The following HLCS variants were observed in gnomAD, a reference collection of about 807,000 sequenced individuals.
The protein encoded by HLCS is biotin--protein ligase.
Under a neutral mutation model 75.0 loss-of-function variants are expected in HLCS, and 53 were observed. That is an observed-to-expected ratio of 0.71 (90% CI 0.57 to 0.89). The LOEUF (loss-of-function observed/expected upper bound fraction) is 0.89. Ranked by LOEUF, HLCS falls within the 40% of genes least tolerant of loss-of-function variation. The pLI, the probability that HLCS is intolerant of heterozygous loss-of-function variation, is 0.00. For missense variants in HLCS, 966 were observed against 1,074.0 expected (o/e 0.90, Z 1.41); for synonymous variants, 431 against 428.6 (o/e 1.01, Z -0.07).
rs536443978 is a variant in HLCS, at chr21:36,767,974, A to G, written c.1893-689T>C. ...CATTACATCCCCACCAAATGAGTCG[A>G]TATTAACTTTTTTTCAAAAAAAGGA... On this transcript the variant is annotated intron_variant, in intron 6 of 10. Coordinates refer to ENST00000674895, the MANE Select transcript of HLCS (RefSeq NM_001352514.2). Among the ~76,000 whole-genome samples, 14 of 152,244 alleles carry G rather than the reference A, an allele frequency of 9.2e-5. No homozygotes were observed. In the East Asian group the frequency reaches 2.7e-3, roughly 29 times the overall value.
chr21:36,763,942 A>G (rs1422470777), intron 8 of HLCS, among the ~76,000 whole-genome samples: 2 of 152,250 alleles, frequency 1.3e-5, no homozygotes, highest in Non-Finnish European at 1.5e-5. Flanking sequence ...TATGTGGTCA[A>G]CAGTGGATAA....
chr21:36,831,482 C>T lies in HLCS; in HGVS notation c.1893-64197G>A, dbSNP rs531334231. Among the ~76,000 whole-genome samples, 8 of 152,240 alleles carry T rather than the reference C, an allele frequency of 5.3e-5. No individual in the cohort carries two copies. In the East Asian group the frequency reaches 1.5e-3, roughly 29 times the overall value. ...ATCACTACAGGTCAGGAGTTCGAGACCAGCCTGGCCAACATGGTGAAACCC... is the reference window on the plus strand; with the variant it reads ...ATCACTACAGGTCAGGAGTTCGAGATCAGCCTGGCCAACATGGTGAAACCC... On this transcript the variant is annotated intron_variant, in intron 6 of 10. Coordinates refer to ENST00000674895, the MANE Select transcript of HLCS (RefSeq NM_001352514.2).
intron 1 of HLCS, among the ~76,000 whole-genome samples, chr21:36,983,766 G>A (rs2069174234): frequency 1.3e-5 from 2 of 151,790 alleles, no homozygotes; most frequent in Non-Finnish European, 2.9e-5. Flanking sequence ...GAACCCGGGA[G>A]GCAGAGCTTG....
rs1265181439 is a variant in HLCS, at chr21:36,860,798, G to A, written c.1892+36062C>T. Among the ~76,000 whole-genome samples the A allele has an allele frequency of 2.6e-5, 4 of 152,234 alleles. No individual in the cohort carries two copies. In the South Asian group the frequency reaches 8.3e-4, roughly 32 times the overall value. ...AGTTTAGGGTAATAAATGTTTCCCAGTGTTAAAATAAACGCCTCAGCGGTT... is the reference window on the plus strand; with the variant it reads ...AGTTTAGGGTAATAAATGTTTCCCAATGTTAAAATAAACGCCTCAGCGGTT... On this transcript the variant is annotated intron_variant, in intron 6 of 10. Coordinates refer to ENST00000674895, the MANE Select transcript of HLCS (RefSeq NM_001352514.2).
At chr21:36,773,379 G>A (rs1173341344) in intron 6 of HLCS, among the ~76,000 whole-genome samples, 1 of 152,264 alleles carries the variant, frequency 6.6e-6, no homozygotes, top group Non-Finnish European at 1.5e-5. Context: ...ACTGGGAGCA[G>A]CTGGCCTCTG....
chr21:36,926,746 T>TC (rs2066425509), intron 5 of HLCS, among the ~76,000 whole-genome samples: 1 of 149,126 alleles, frequency 6.7e-6, no homozygotes, highest in African/African-American at 2.4e-5. Context: ...GTTTCCTTTT[T>TC]TTTTTTTTTT....
At chr21:36,800,338 CAA>C (rs552945160) in intron 6 of HLCS, among the ~76,000 whole-genome samples, 227 of 152,030 alleles carry the variant, frequency 1.5e-3, no homozygotes, top group Non-Finnish European at 2.5e-3. Context: ...ACTTGGTGAA[CAA>C]AGAGACACAA....
intron 6 of HLCS, among the ~76,000 whole-genome samples, chr21:36,827,119 G>A (rs904911624): frequency 6.6e-6 from 1 of 152,120 alleles, no homozygotes; most frequent in African/African-American, 2.4e-5. Flanking sequence ...TTGCTGGCAG[G>A]CTGGGAAATA....
intron 6 of HLCS, among the ~76,000 whole-genome samples, chr21:36,778,032 G>T (rs1030215687): frequency 6.6e-6 from 1 of 151,512 alleles, no homozygotes; most frequent in East Asian, 1.9e-4. Context: ...GCAGTGGCAC[G>T]ATCTCAGCTC....
chr21:36,952,789 C>CAA (rs35700333), intron 2 of HLCS, among the ~76,000 whole-genome samples: 327 of 45,764 alleles, frequency 7.1e-3, no homozygotes, highest in Middle Eastern at 0.016. Context: ...GACTCCGTCT[C>CAA]AAAAAAAAAA....
chr21:36,780,342 C>G (rs1228557812), intron 6 of HLCS, among the ~76,000 whole-genome samples: 2 of 152,134 alleles, frequency 1.3e-5, no homozygotes, highest in African/African-American at 4.8e-5. Flanking sequence ...CCTCAGCCTC[C>G]CAAGTAGCTG....
intron 5 of HLCS, among the ~76,000 whole-genome samples, chr21:36,916,727 A>C (rs1342429784): frequency 6.6e-6 from 1 of 152,084 alleles, no homozygotes; most frequent in African/African-American, 2.4e-5. Flanking sequence ...GTGCTTTATA[A>C]ATGCTGGTTC....
rs187818323 is a variant in HLCS, at chr21:36,756,266, A to G, written c.2450+276T>C. Among the ~76,000 whole-genome samples, 7,305 of 151,564 alleles carry G rather than the reference A, an allele frequency of 0.048. 430 individuals are homozygous for G. Among genetic ancestry groups the G allele is most frequent in the African/African-American group, 0.14 (5,911 of 41,208 alleles). On this transcript the variant is annotated intron_variant, in intron 10 of 10. Coordinates refer to ENST00000674895, the MANE Select transcript of HLCS (RefSeq NM_001352514.2). ...ATCCTGGCTAACACGGTGAAACCCC[A>G]CCTCCACTAAAAATACAAAAAATTA...
At chr21:36,798,228 T>G (rs1465544346) in intron 6 of HLCS, among the ~76,000 whole-genome samples, 1 of 152,012 alleles carries the variant, frequency 6.6e-6, no homozygotes, top group African/African-American at 2.4e-5. Context: ...GTGCAGGTAT[T>G]TGGGGGAGGA....
intron 4 of HLCS, among the ~76,000 whole-genome samples, chr21:36,935,677 C>A (rs2146519640): frequency 6.6e-6 from 1 of 152,182 alleles, no homozygotes; most frequent in African/African-American, 2.4e-5. Flanking sequence ...AACCTTTTCC[C>A]CTAAGGATTA....
upstream of HLCS, among the ~76,000 whole-genome samples, chr21:36,970,744 G>T (rs2068763065): frequency 6.6e-6 from 1 of 152,062 alleles, no homozygotes; most frequent in Non-Finnish European, 1.5e-5. Context: ...TATAATCCCA[G>T]CACTTTGGGA....
intron 6 of HLCS, among the ~76,000 whole-genome samples, chr21:36,775,389 C>A (rs749767806): frequency 6.6e-5 from 10 of 152,252 alleles, no homozygotes; most frequent in Non-Finnish European, 1.3e-4. Flanking sequence ...TACCCTGACA[C>A]TTCACCATAA....
chr21:36,779,170 C>T (rs1371022875), intron 6 of HLCS, among the ~76,000 whole-genome samples: 2 of 151,938 alleles, frequency 1.3e-5, no homozygotes, highest in African/African-American at 4.8e-5. Context: ...CCTCCATATA[C>T]ATGGGTTTCA....
upstream of HLCS, among the ~76,000 whole-genome samples, chr21:36,968,024 T>C (rs1385983220): frequency 6.6e-6 from 1 of 151,540 alleles, no homozygotes; most frequent in Non-Finnish European, 1.5e-5. Flanking sequence ...CCAGCTAGGA[T>C]AGATTTTTTT....
Sources: allele counts gnomAD v4.1 joint callset (sites outside exome capture counted in the v4.1 genomes callset), GRCh38; gene constraint gnomAD v4.1.1; transcripts MANE v1.5; gene names NCBI Gene and HGNC (gene_info 2026-07-23, HGNC 2026-07-21).